The following OR1J2 variants were observed in gnomAD, a reference collection of about 807,000 sequenced individuals.
OR1J2 encodes the protein olfactory receptor 1J2.
For missense variants in OR1J2, 304 were observed against 246.1 expected, an observed-to-expected ratio of 1.24 and a Z score of -1.57; for synonymous variants, 142 against 99.7, an observed-to-expected ratio of 1.42 and a Z score of -2.52.
chr9:122,456,197 T>C, the OR1J2 span, among the ~76,000 whole-genome samples: 1 of 152,162 alleles, frequency 6.6e-6, no homozygotes, highest in African/African-American at 2.4e-5. Context: ...GGGATGGAGA[T>C]GAATGGGGAA....
the OR1J2 span, among the ~76,000 whole-genome samples, chr9:122,535,566 T>G: frequency 0.76 from 115,498 of 151,914 alleles, 44,473 homozygotes; most frequent in East Asian, 1. Flanking sequence ...GGATAGTGAG[T>G]GAGGTTGGAG....
the OR1J2 span, chr9:122,526,466 G>A: frequency 1.3e-6 from 2 of 1,562,212 alleles, no homozygotes; most frequent in Non-Finnish European, 1.7e-6. Context: ...TCACTATGGT[G>A]TACATTGCAG....
the OR1J2 span, among the ~76,000 whole-genome samples, chr9:122,534,138 C>CA: frequency 1.3e-5 from 2 of 152,054 alleles, no homozygotes; most frequent in Non-Finnish European, 2.9e-5. Context: ...ACACCTGTGC[C>CA]CTGCGGTTTA....
chr9:122,531,323 A>G, the OR1J2 span, among the ~76,000 whole-genome samples: 1 of 152,244 alleles, frequency 6.6e-6, no homozygotes, highest in Admixed American at 6.5e-5. Flanking sequence ...GTTTGGGGAT[A>G]GCACCAGGAG....
chr9:122,517,449 C>T, the OR1J2 span, among the ~76,000 whole-genome samples: 4 of 152,174 alleles, frequency 2.6e-5, no homozygotes, highest in Admixed American at 2.6e-4. Flanking sequence ...GGAGTATGCT[C>T]AACTCACCAG....
chr9:122,450,235 A>G, the OR1J2 span, among the ~76,000 whole-genome samples: 6 of 152,242 alleles, frequency 3.9e-5, no homozygotes, highest in South Asian at 1.2e-3. Flanking sequence ...GTTTGAGACC[A>G]GCCTAGGCAA....
chr9:122,573,151 G>C, the OR1J2 span, among the ~76,000 whole-genome samples: 2 of 152,198 alleles, frequency 1.3e-5, no homozygotes, highest in African/African-American at 4.8e-5. Context: ...TGTGATCCTT[G>C]TTAGGCTGAT....
chr9:122,561,253 G>T, the OR1J2 span, among the ~76,000 whole-genome samples: 2 of 152,012 alleles, frequency 1.3e-5, no homozygotes, highest in African/African-American at 4.8e-5. Context: ...CTTTATCAAG[G>T]TCCTTAGCTT....
chr9:122,494,974 C>T, the OR1J2 span, among the ~76,000 whole-genome samples: 1 of 152,126 alleles, frequency 6.6e-6, no homozygotes, highest in African/African-American at 2.4e-5. Context: ...AAATTCTTGG[C>T]TGATAATTGT....
At chr9:122,504,450 A>G in the OR1J2 span, among the ~76,000 whole-genome samples, 2 of 152,180 alleles carry the variant, frequency 1.3e-5, no homozygotes, top group Admixed American at 6.5e-5. Context: ...CTGGAAGTTT[A>G]TCTAGTCATT....
the OR1J2 span, among the ~76,000 whole-genome samples, chr9:122,462,583 G>A: frequency 6.6e-6 from 1 of 152,192 alleles, no homozygotes; most frequent in Non-Finnish European, 1.5e-5. Flanking sequence ...TAAGATTTGA[G>A]CTACTTTTAG....
the OR1J2 span, among the ~76,000 whole-genome samples, chr9:122,547,989 G>A: frequency 1.3e-5 from 2 of 152,066 alleles, no homozygotes; most frequent in Admixed American, 1.3e-4. Context: ...CATTCTGACC[G>A]GTGCAAGATG....
At chr9:122,574,313 A>G in the OR1J2 span, among the ~76,000 whole-genome samples, 13 of 152,280 alleles carry the variant, frequency 8.5e-5, no homozygotes, top group South Asian at 2.7e-3. Context: ...ACCTTTTGAT[A>G]ATATTGAGCC....
chr9:122,518,784 GA>G, the OR1J2 span, among the ~76,000 whole-genome samples: 13 of 152,188 alleles, frequency 8.5e-5, no homozygotes, highest in Non-Finnish European at 1.8e-4. Flanking sequence ...GTTACAACAT[GA>G]AGGCTCATGA....
the OR1J2 span, among the ~76,000 whole-genome samples, chr9:122,505,119 C>T: frequency 6.6e-6 from 1 of 152,126 alleles, no homozygotes; most frequent in East Asian, 1.9e-4. Flanking sequence ...GGTCATCACA[C>T]CTAGAAAGAA....
the OR1J2 span, among the ~76,000 whole-genome samples, chr9:122,495,536 T>A: frequency 6.6e-6 from 1 of 151,476 alleles, no homozygotes; most frequent in African/African-American, 2.4e-5. Flanking sequence ...TTTCCAGAAG[T>A]TTTTTTTTAA....
chr9:122,541,334 C>T, the OR1J2 span, among the ~76,000 whole-genome samples: 6 of 152,078 alleles, frequency 3.9e-5, no homozygotes, highest in Admixed American at 1.3e-4. Context: ...GCCCAGAAAC[C>T]GGCATCCTTT....
downstream of OR1J2, among the ~76,000 whole-genome samples, chr9:122,516,239 C>A (rs1828698659): frequency 6.6e-6 from 1 of 150,790 alleles, no homozygotes; most frequent in Admixed American, 6.6e-5. Flanking sequence ...TATCAGCAAG[C>A]AGTAGTTGAG....
chr9:122,461,197 C>G, the OR1J2 span, among the ~76,000 whole-genome samples: 3 of 152,076 alleles, frequency 2.0e-5, no homozygotes, highest in African/African-American at 4.8e-5. Context: ...TTCCAGTTCT[C>G]AGGTGGAATG....
Sources: gnomAD v4.1 joint callset for allele counts (sites outside exome capture counted in the v4.1 genomes callset) on GRCh38, gnomAD v4.1.1 for gene constraint, MANE v1.5 for transcripts, NCBI Gene and HGNC (gene_info 2026-07-23, HGNC 2026-07-21) for gene names.